The following HK3 variants were observed in gnomAD, a reference collection of about 807,000 sequenced individuals.
HK3 encodes the protein hexokinase 3.
In HK3, 93 loss-of-function variants were observed where a neutral mutation model predicts 91.0. The ratio of observed to expected loss-of-function variants is 1.02; its 90% CI spans 0.86 to 1.21. HK3 has a LOEUF of 1.21. Ranked by LOEUF, HK3 falls within the 50% of genes most tolerant of loss-of-function variation. HK3 has a pLI of 0.00. For synonymous variants in HK3, 519 were observed against 516.9 expected (o/e 1.00, Z -0.06); for missense variants, 1,235 against 1,247.4 (o/e 0.99, Z 0.15).
Position 176,880,879 on chromosome 5 carries a change from T to TTA in HK3, c.*192_*193dup, listed in dbSNP as rs760988659. The TTA allele has an allele frequency of 1.3e-4, 65 of 507,454 alleles. No homozygotes were observed. Among genetic ancestry groups the TTA allele is most frequent in the East Asian group, 5.8e-4 (17 of 29,288 alleles). The allele number at this position is 507,454 out of a possible 1,614,324, so 31.4% of individuals were successfully genotyped here. A position where few individuals can be genotyped will look rare whatever the true frequency, so the allele number is the denominator to read the frequency against. Reference sequence around the variant, plus strand: ...TTTATCGGGCGTGAATGTAAATAAATTATATATATATATTGCTAACCTGAG... The same window carrying TTA: ...TTTATCGGGCGTGAATGTAAATAAATTATATATATATATATTGCTAACCTGAG... On this transcript the variant is annotated 3_prime_UTR_variant, in exon 19 of 19. Transcript: ENST00000292432.
rs532820795 is a variant in HK3 at position 176,891,397 on chromosome 5, G to A, written c.250C>T (p.His84Tyr). 8.7e-6 allele frequency: 14 copies of A among 1,613,178 alleles called. No individual in the cohort carries two copies. The African/African-American group carries it at 1.3e-4, about 15-fold the overall frequency. The change falls in exon 3 of 19, where the codon CAT becomes TAT. Residue 84 changes from histidine to tyrosine, a missense_variant. His to Tyr is a moderately conservative substitution (Grantham distance 83). Transcript: ENST00000292432. ...MLPTYVGSTP[H>Y]GTEQGDFVVL... Reference sequence around the variant, plus strand: ...AATCTATGATACCCACCAGTGCCATGTGGGGTGGACCCCACGTATGTAGGC... The same window carrying A: ...AATCTATGATACCCACCAGTGCCATATGGGGTGGACCCCACGTATGTAGGC...
At position 176,899,330 on chromosome 5, in the gene HK3, C is replaced by T. The variant is rs866654029; in HGVS notation, c.-90G>A. 6.6e-6 allele frequency: 1 copy of T among 152,334 alleles called. No individual in the cohort carries two copies. Among genetic ancestry groups the T allele is most frequent in the Middle Eastern group, 3.4e-3 (1 of 294 alleles). 9.4% of individuals were successfully genotyped at this position (152,334 alleles called of 1,614,324 possible). A position where few individuals can be genotyped will look rare whatever the true frequency, so the allele number is the denominator to read the frequency against. On this transcript the variant is annotated 5_prime_UTR_variant, in exon 1 of 19. The change creates a new upstream start codon in the 5' untranslated region. Coordinates refer to ENST00000292432, the MANE Select transcript of HK3 (RefSeq NM_002115.3). ...AGCTCTTGTCTGGCAATATGAGGCACCCCAATGACCAAAAGCAACACTCAG... is the reference window on the plus strand; with the variant it reads ...AGCTCTTGTCTGGCAATATGAGGCATCCCAATGACCAAAAGCAACACTCAG...
In HK3 at chr5:176,888,860, C is replaced by T. The variant is rs1202929526; in HGVS notation, c.919G>A (p.Glu307Lys). 3 of 1,613,624 alleles carry T rather than the reference C, an allele frequency of 1.9e-6. No homozygotes were observed. The African/African-American group carries it at 4.0e-5, about 22-fold the overall frequency. The change falls in exon 9 of 19, where the codon GAG (glutamate) becomes AAG (lysine). Residue 307 changes from glutamate (E) to lysine (K), a missense_variant. Coordinates refer to ENST00000292432, the MANE Select transcript of HK3 (RefSeq NM_002115.3). ...AGGTACAGGCCTCCGATCATCTTCT[C>T]AAACCTGCAGGGGGGAAGGGTGGCT... The part of the protein sequence containing the change: ...ESLNPGAQRF[E>K]KMIGGLYLGE...
intron 15 of HK3, among the ~76,000 whole-genome samples, chr5:176,882,415 T>G (rs1050213717): frequency 2.6e-5 from 4 of 152,172 alleles, no homozygotes; most frequent in African/African-American, 9.7e-5. Context: ...GTCATTCCCC[T>G]GGGAGACATG....
chr5:176,882,202 G>A (rs1320723627), intron 15 of HK3, 75 bp from the exon 16 acceptor site: 2 of 1,482,944 alleles, frequency 1.3e-6, no homozygotes, highest in Admixed American at 1.7e-5. Flanking sequence ...CCCATACCGA[G>A]ATGGCAACGA....
At chr5:176,885,582 C>A (rs938277847) in intron 13 of HK3, among the ~76,000 whole-genome samples, 1 of 151,924 alleles carries the variant, frequency 6.6e-6, no homozygotes, top group East Asian at 1.9e-4. Context: ...CTGCCACGCC[C>A]GGCTAATTTT....
Position 176,886,958 on chromosome 5 carries a change from G to A in HK3, c.1857+44C>T, listed in dbSNP as rs776743459. ...TGCCCACTCCATGAAGGGTATGTGG[G>A]GGCAGGAGGCCCTTGGGAATCACTT... On this transcript the variant is annotated intron_variant, in intron 13 of 18. Transcript: ENST00000292432. 68 of 1,610,714 alleles carry A rather than the reference G, an allele frequency of 4.2e-5. 1 individual carries two copies. In the South Asian group the frequency reaches 7.4e-4, roughly 18 times the overall value.
In HK3 at chr5:176,883,757, G is replaced by A. The variant is rs1758503637; in HGVS notation, c.2053+13C>T. The A allele has an allele frequency of 3.1e-6, 5 of 1,601,994 alleles. No homozygotes were observed. Among genetic ancestry groups the A allele is most frequent in the Non-Finnish European group, 4.3e-6 (5 of 1,169,452 alleles). On this transcript the variant is annotated intron_variant, in intron 15 of 18. Coordinates refer to ENST00000292432, the MANE Select transcript of HK3 (RefSeq NM_002115.3). ...CAAGCAGTAGGGGCATGAAAGGGCA[G>A]GGCCCTCCTCACCGACAATGAGGCC...
In HK3 at chr5:176,882,021, G is replaced by T. The variant is rs371103424; in HGVS notation, c.2160C>A (p.Asp720Glu). 1 of 1,613,284 alleles carries T rather than the reference G, an allele frequency of 6.2e-7. No individual in the cohort carries two copies. Among genetic ancestry groups the T allele is most frequent in the East Asian group, 2.2e-5 (1 of 44,874 alleles). The change falls in exon 16 of 19, where the codon GAC becomes GAA. Residue 720 changes from aspartate (D) to glutamate (E), a missense_variant. Around this residue, in one of 3 missense-constraint regions of HK3, gnomAD observed 513 missense variants for 477.4 expected, o/e 1.07. Transcript: ENST00000292432. ...CINMEWGAFG[D>E]DGSLAMLSTR... ...TGCTGAGCATGGCCAGAGAGCCATC[G>T]TCCCCAAAGGCGCCCCACTCCATGT... is the stretch of plus-strand genomic sequence containing the variant.
At position 176,887,840 on chromosome 5, in the gene HK3, G is replaced by T; in HGVS notation, c.1305-94C>A. On this transcript the variant is annotated intron_variant, in intron 10 of 18. Coordinates refer to ENST00000292432, the MANE Select transcript of HK3 (RefSeq NM_002115.3). The surrounding 1 kb of genome is among the most constrained non-coding windows in gnomAD (Gnocchi z 4.9). ...GGCCCTGGACCCCCAGATACATACA[G>T]GTGTGCCCAGCTTGGCCCCAGACCC... 2 of 1,355,742 alleles carry T rather than the reference G, an allele frequency of 1.5e-6. No homozygotes were observed. The highest frequency in any genetic ancestry group is 2.4e-5 in the East Asian group (1 of 41,108). 84.0% of individuals were successfully genotyped at this position (1,355,742 alleles called of 1,614,324 possible).
At chr5:176,885,791 G>A (rs552999334) in intron 13 of HK3, among the ~76,000 whole-genome samples, 7 of 149,618 alleles carry the variant, frequency 4.7e-5, no homozygotes, top group African/African-American at 1.7e-4. Flanking sequence ...CCCGCCCCCC[G>A]ATTTGCACAT....
At chr5:176,882,154 G>A in intron 15 of HK3, 27 bp from the exon 16 acceptor site, 1 of 1,610,356 alleles carries the variant, frequency 6.2e-7, no homozygotes, top group African/African-American at 1.3e-5. Context: ...CAACGTGGAA[G>A]CTACTTACTG....
At chr5:176,894,972 T>G (rs1758871287) in intron 2 of HK3, among the ~76,000 whole-genome samples, 1 of 150,746 alleles carries the variant, frequency 6.6e-6, no homozygotes, top group Non-Finnish European at 1.5e-5. Flanking sequence ...ACAGACAGGG[T>G]TTCACCGTGT....
Position 176,881,697 on chromosome 5 carries a change from G to T in HK3, c.2388C>A (p.Ile796=), listed in dbSNP as rs751109810. The change falls in exon 17 of 19, where the codon ATC becomes ATA. Residue 796 remains isoleucine, a synonymous_variant. Coordinates refer to ENST00000292432, the MANE Select transcript of HK3 (RefSeq NM_002115.3). The part of the protein sequence containing the change: ...DIFKTKFLSE[I]ESDSLALRQV... ...GCAATGTAGGCCTCAGGCACCTTTCGATCTCAGAGAGGAACTTGGTCTTGA... is the reference window on the plus strand; with the variant it reads ...GCAATGTAGGCCTCAGGCACCTTTCTATCTCAGAGAGGAACTTGGTCTTGA... The T allele has an allele frequency of 3.1e-6, 5 of 1,614,076 alleles. No homozygotes were observed. Among genetic ancestry groups the T allele is most frequent in the Non-Finnish European group, 4.2e-6 (5 of 1,180,018 alleles).
Position 176,891,544 on chromosome 5 carries a change from C to T in HK3, c.103G>A (p.Glu35Lys), listed in dbSNP as rs1374275899. ...GTCACCTTGAACTGCTGCAGGCACT[C>T]CTGCACCTGGGGAGAAACAGGCCAA... ...GPSDSSELVQ[E>K]CLQQFKVTRA... Residue 35 changes from glutamate to lysine, a missense_variant, in exon 3 of 19, where the codon GAG becomes AAG. Transcript: ENST00000292432. 2 of 1,610,620 alleles carry T rather than the reference C, an allele frequency of 1.2e-6. No homozygotes were observed. Among genetic ancestry groups the T allele is most frequent in the Non-Finnish European group, 1.7e-6 (2 of 1,178,508 alleles).
chr5:176,889,167 G>C (rs948972453), intron 8 of HK3, among the ~76,000 whole-genome samples: 1 of 152,240 alleles, frequency 6.6e-6, no homozygotes, highest in Non-Finnish European at 1.5e-5. Context: ...GCCAGAGTCA[G>C]GAACAGGGAA....
Position 176,881,013 on chromosome 5 carries a change from C to A in HK3, c.*60G>T. The stretch of plus-strand genomic sequence containing the variant: ...TGGCTGGGCCTGGCTGGGAAACAGG[C>A]AGACCCCGACCCGGCTCCAGCAAGG... On this transcript the variant is annotated 3_prime_UTR_variant, in exon 19 of 19. Coordinates refer to ENST00000292432, the MANE Select transcript of HK3 (RefSeq NM_002115.3). 1 of 1,514,878 alleles carries A rather than the reference C, an allele frequency of 6.6e-7. No homozygotes were observed. Among genetic ancestry groups the A allele is most frequent in the Non-Finnish European group, 8.8e-7 (1 of 1,133,510 alleles). 93.8% of individuals were successfully genotyped at this position (1,514,878 alleles called of 1,614,324 possible).
rs1195663242 is a variant in HK3 at position 176,884,344 on chromosome 5, C to A, written c.1858-210G>T. On this transcript the variant is annotated intron_variant, in intron 13 of 18. Transcript: ENST00000292432. This position sits in a 1 kb window ranked among gnomAD's most constrained non-coding sequence, Gnocchi z 4.1. ...TCGGTGTGCAAAAACCTATTAATAA[C>A]CATCTAACCTACATTTTCCATTATT... Among the ~76,000 whole-genome samples, 1 of 152,246 alleles carries A rather than the reference C, an allele frequency of 6.6e-6. No homozygotes were observed. Among genetic ancestry groups the A allele is most frequent in the Non-Finnish European group, 1.5e-5 (1 of 68,046 alleles).
Position 176,896,170 on chromosome 5 carries a change from A to G in HK3, c.-11T>C. On this transcript the variant is annotated 5_prime_UTR_variant, in exon 2 of 19. Coordinates refer to ENST00000292432, the MANE Select transcript of HK3 (RefSeq NM_002115.3). ...CCCAATGGAGTCCATGAGCTTCCAC[A>G]GTGGAAGGTGGCCACCTATGGGAGA... The G allele has an allele frequency of 6.3e-7, 1 of 1,586,512 alleles. No homozygotes were observed. The highest frequency in any genetic ancestry group is 8.6e-7 in the Non-Finnish European group (1 of 1,166,120).
Sources: allele counts gnomAD v4.1 joint callset (sites outside exome capture counted in the v4.1 genomes callset), GRCh38; gene constraint gnomAD v4.1.1; regional missense constraint gnomAD v4.1.1; non-coding constraint Gnocchi (gnomAD v3.1); transcripts MANE v1.5; gene names NCBI Gene and HGNC (gene_info 2026-07-23, HGNC 2026-07-21).